UBE4B: variants seen among roughly 807,000 people sequenced by gnomAD.
UBE4B encodes ubiquitin conjugation factor E4 B.
In UBE4B, 27 loss-of-function variants were observed where a neutral mutation model predicts 148.1. That is an observed-to-expected ratio of 0.18 (90% CI 0.13 to 0.25). The LOEUF (loss-of-function observed/expected upper bound fraction) is 0.25, where lower values mean the gene tolerates loss of function less well. Ranked by LOEUF, UBE4B falls within the 10% of genes least tolerant of loss-of-function variation. The pLI is 1.00. For missense variants in UBE4B, 1,170 were observed against 1,662.4 expected, an observed-to-expected ratio of 0.70 and a Z score of 5.15; for synonymous variants, 596 against 619.3, an observed-to-expected ratio of 0.96 and a Z score of 0.56.
chr1:10,103,894 G>C lies in UBE4B; in HGVS notation c.580+802G>C, dbSNP rs550042552. ...GCCCGCCTTGGCCTCCCAAAGTGCT[G>C]GGATTACAGGCATGAGCCACCGTGC... is the stretch of plus-strand genomic sequence containing the variant. On this transcript the variant is annotated intron_variant, in intron 5 of 27. Transcript: ENST00000343090. Among the ~76,000 whole-genome samples, 12 of 152,142 alleles carry C rather than the reference G, an allele frequency of 7.9e-5. 1 individual carries two copies. Among genetic ancestry groups the C allele is most frequent in the African/African-American group, 2.9e-4 (12 of 41,522 alleles).
At chr1:10,043,412 G>C (rs1215645498) in intron 1 of UBE4B, among the ~76,000 whole-genome samples, 1 of 145,242 alleles carries the variant, frequency 6.9e-6, no homozygotes, top group Non-Finnish European at 1.5e-5. Flanking sequence ...CTTTGAAATT[G>C]AGATGCTGCT....
At chr1:10,116,200 T>C (rs1645306003) in intron 7 of UBE4B, among the ~76,000 whole-genome samples, 1 of 152,160 alleles carries the variant, frequency 6.6e-6, no homozygotes, top group South Asian at 2.1e-4. Context: ...AGGAGTGCAG[T>C]GGCATGATCT....
chr1:10,157,780 A>G (rs1166217177), intron 21 of UBE4B, among the ~76,000 whole-genome samples: 14 of 151,772 alleles, frequency 9.2e-5, no homozygotes, highest in Admixed American at 9.2e-4. Context: ...TGTCTCAAAA[A>G]TAATAATAAT....
chr1:10,075,189 T>C lies in UBE4B; in HGVS notation c.211+2975T>C, dbSNP rs572254666. ...AGCACAAAAGCAGCCATAGAACATA[T>C]GTAAATGAGCAAGTGTAACTGTGTT... On this transcript the variant is annotated intron_variant, in intron 2 of 27. Coordinates refer to ENST00000343090, the MANE Select transcript of UBE4B (RefSeq NM_001105562.3). 1.4e-4 allele frequency among the ~76,000 whole-genome samples: 21 copies of C among 152,342 alleles called. No homozygotes were observed. The South Asian group carries it at 2.9e-3, about 21-fold the overall frequency.
Position 10,178,662 on chromosome 1 carries a change from T to C in UBE4B, c.3544T>C (p.Leu1182=). 1 of 1,611,788 alleles carries C rather than the reference T, an allele frequency of 6.2e-7. No homozygotes were observed. Among genetic ancestry groups the C allele is most frequent in the Non-Finnish European group, 8.5e-7 (1 of 1,179,234 alleles). ...ADDQRSYSKE[L]FEEVISKMRK... ...TTTGCAGAGATCCTACAGTAAGGAATTGTTTGAAGAAGTTATTTCAAAGAT... is the reference window on the plus strand; with the variant it reads ...TTTGCAGAGATCCTACAGTAAGGAACTGTTTGAAGAAGTTATTTCAAAGAT... The change falls in exon 26 of 28, where the codon TTG becomes CTG. Residue 1182 remains leucine, a synonymous_variant. Coordinates refer to ENST00000343090, the MANE Select transcript of UBE4B (RefSeq NM_001105562.3).
chr1:10,169,782 A>G (rs1646311032), intron 24 of UBE4B, among the ~76,000 whole-genome samples: 1 of 152,240 alleles, frequency 6.6e-6, no homozygotes, highest in Admixed American at 6.5e-5. Flanking sequence ...TGAGAGGCCA[A>G]GAAGGGTGGA....
chr1:10,141,499 C>T (rs2101966694), intron 17 of UBE4B, among the ~76,000 whole-genome samples: 1 of 152,270 alleles, frequency 6.6e-6, no homozygotes, highest in African/African-American at 2.4e-5. Flanking sequence ...TTTAGACTTC[C>T]AGAACTCTAA....
At chr1:10,050,536 C>A (rs1213103065) in intron 1 of UBE4B, among the ~76,000 whole-genome samples, 1 of 152,182 alleles carries the variant, frequency 6.6e-6, no homozygotes, top group Non-Finnish European at 1.5e-5. Context: ...ACATTAACCA[C>A]ACTGCATTGA....
chr1:10,090,793 T>TTGTGTGTGTGTGTGTGTG (rs57486350), intron 2 of UBE4B, among the ~76,000 whole-genome samples: 15 of 141,404 alleles, frequency 1.1e-4, no homozygotes, highest in African/African-American at 3.7e-4. Context: ...GCCTATGCAT[T>TTGTGTGTGTGTGTGTGTG]TGTGTGTGTG....
chr1:10,070,442 TAAA>T (rs70998345), intron 1 of UBE4B, among the ~76,000 whole-genome samples: 10 of 131,642 alleles, frequency 7.6e-5, no homozygotes, highest in Admixed American at 1.5e-4. Context: ...CAGTTAAAAT[TAAA>T]AAAAAAAAAA....
At chr1:10,048,876 A>G (rs1211051971) in intron 1 of UBE4B, among the ~76,000 whole-genome samples, 1 of 152,096 alleles carries the variant, frequency 6.6e-6, no homozygotes, top group Non-Finnish European at 1.5e-5. Context: ...GTGACAGGAA[A>G]ATGTGGTGAG....
chr1:10,154,321 G>A (rs1188748764), intron 21 of UBE4B, among the ~76,000 whole-genome samples: 1 of 152,114 alleles, frequency 6.6e-6, no homozygotes, highest in Non-Finnish European at 1.5e-5. Context: ...GAGAAGCTGA[G>A]GCAGGAGAAT....
chr1:10,138,980 A>G (rs1645740836), intron 17 of UBE4B, among the ~76,000 whole-genome samples: 2 of 152,338 alleles, frequency 1.3e-5, no homozygotes, highest in East Asian at 3.9e-4. Context: ...CTAATTGGAT[A>G]TACAATTTGC....
Position 10,068,887 on chromosome 1 carries a change from C to T in UBE4B, c.25-3141C>T, listed in dbSNP as rs115657148. Among the ~76,000 whole-genome samples the T allele has an allele frequency of 8.1e-3, 1,234 of 152,304 alleles. 8 individuals carry two copies. Among genetic ancestry groups the T allele is most frequent in the Non-Finnish European group, 9.3e-3 (636 of 68,022 alleles). ...TGTGGGCAGCCCAGAACGCTGCCCC[C>T]TGCATGGCTCTTCCTAAATTTTCCA... On this transcript the variant is annotated intron_variant, in intron 1 of 27. Coordinates refer to ENST00000343090, the MANE Select transcript of UBE4B (RefSeq NM_001105562.3).
In UBE4B at chr1:10,161,894, T is replaced by G. The variant is rs1426348284; in HGVS notation, c.3198+608T>G. Among the ~76,000 whole-genome samples, 1 of 152,206 alleles carries G rather than the reference T, an allele frequency of 6.6e-6. No individual in the cohort carries two copies. The highest frequency in any genetic ancestry group is 1.5e-5 in the Non-Finnish European group (1 of 68,042). ...GTTGCTGGTGACTTCTTAGATTGGC[T>G]TAGGTTTATTGATTCTGTTCTTGGA... is the stretch of plus-strand genomic sequence containing the variant. On this transcript the variant is annotated intron_variant, in intron 23 of 27. Transcript: ENST00000343090. The surrounding 1 kb of genome is among the most constrained non-coding windows in gnomAD (Gnocchi z 4.1).
intron 2 of UBE4B, chr1:10,072,609 T>C (rs1022733803): frequency 1.5e-6 from 1 of 663,492 alleles, no homozygotes; most frequent in Non-Finnish European, 2.7e-6. Flanking sequence ...TTTCCTCGTC[T>C]TCATTCTGCA....
intron 16 of UBE4B, 48 bp from the exon 17 acceptor site, chr1:10,137,019 T>C: frequency 6.2e-7 from 1 of 1,603,800 alleles, no homozygotes; most frequent in Non-Finnish European, 8.5e-7. Flanking sequence ...TTTCTCTGAT[T>C]GAGACATGTA....
chr1:10,070,159 A>G (rs1008605895), intron 1 of UBE4B, among the ~76,000 whole-genome samples: 3 of 151,762 alleles, frequency 2.0e-5, no homozygotes, highest in African/African-American at 7.3e-5. Flanking sequence ...CTGTAGTCCC[A>G]GCTACTTGGG....
At chr1:10,035,675 G>A (rs1643491796) in intron 1 of UBE4B, among the ~76,000 whole-genome samples, 1 of 150,326 alleles carries the variant, frequency 6.7e-6, no homozygotes, top group Non-Finnish European at 1.5e-5. Context: ...CAAAGTGCTG[G>A]GATTACAGGC....
Sources: gnomAD v4.1 joint callset for allele counts (sites outside exome capture counted in the v4.1 genomes callset) on GRCh38, gnomAD v4.1.1 for gene constraint, Gnocchi (gnomAD v3.1) non-coding constraint, MANE v1.5 for transcripts, NCBI Gene and HGNC (gene_info 2026-07-23, HGNC 2026-07-21) for gene names.